Variants in IKZF4 observed in about 807,000 individuals in gnomAD.
IKZF4 encodes zinc finger protein Eos.
Under a neutral mutation model 47.7 loss-of-function variants are expected in IKZF4, and 11 were observed. The observed-to-expected ratio is 0.23, with a 90% CI of 0.15 to 0.38. The LOEUF (loss-of-function observed/expected upper bound fraction) is 0.38, where lower values mean the gene tolerates loss of function less well. Among genes scored for constraint, IKZF4 ranks in the 10% least tolerant of loss-of-function variants. The probability of loss-of-function intolerance (pLI) is 1.00; values close to 1 mark genes in which losing one functional copy is unlikely to be tolerated. For missense variants in IKZF4, 557 were observed against 784.9 expected, an observed-to-expected ratio of 0.71 and a Z score of 3.47; for synonymous variants, 298 against 299.4, an observed-to-expected ratio of 1.00 and a Z score of 0.05.
At chr12:56,011,460 A>AT in exon 2 of IKZF4, 1 of 152,300 alleles carries the variant, frequency 6.6e-6, no homozygotes, top group East Asian at 1.9e-4. Context: ...AAGAGAAAAG[A>AT]TGCATCCATC....
At chr12:56,033,514 C>A (rs566200410) in intron 7 of IKZF4, among the ~76,000 whole-genome samples, 193 bp downstream of exon 7, 1 of 152,040 alleles carries the variant, frequency 6.6e-6, no homozygotes, top group Non-Finnish European at 1.5e-5. Flanking sequence ...AAGACCATCC[C>A]GGTTAACACA....
chr12:56,020,033 C>T (rs564727594), upstream of IKZF4, among the ~76,000 whole-genome samples: 5 of 152,380 alleles, frequency 3.3e-5, no homozygotes, highest in African/African-American at 9.6e-5. Context: ...TAGCTGCGCT[C>T]ATCACTGACC....
At chr12:56,017,873 A>G (rs965802134), upstream of IKZF4, among the ~76,000 whole-genome samples, 15 of 152,150 alleles carry the variant, frequency 9.9e-5, no homozygotes, top group African/African-American at 3.6e-4. Flanking sequence ...TATTTTGTAG[A>G]GATGGGATCT....
chr12:56,019,414 A>T, upstream of IKZF4: 1 of 978,854 alleles, frequency 1.0e-6, no homozygotes, highest in Non-Finnish European at 1.2e-6. Context: ...GGGTAATGTA[A>T]GGTAAGATGT....
Position 56,035,626 on chromosome 12 carries a change from A to G in IKZF4, c.*295A>G, listed in dbSNP as rs191380718. 1.3e-4 allele frequency: 35 copies of G among 278,304 alleles called. No individual in the cohort carries two copies. The highest frequency in any genetic ancestry group is 4.0e-4 in the African/African-American group (18 of 45,554). The allele number at this position is 278,304 out of a possible 1,614,324, so 17.2% of individuals were successfully genotyped here. A position where few individuals can be genotyped will look rare whatever the true frequency, so the allele number is the denominator to read the frequency against. ...TTTTTGCCTTTTTAAATTTTAACTT[A>G]TATCAGTCACTTGCCACTCCCCCAC... On this transcript the variant is annotated 3_prime_UTR_variant, in exon 8 of 8. Transcript: ENST00000547167. This position sits in a 1 kb window ranked among gnomAD's most constrained non-coding sequence, Gnocchi z 6.1.
chr12:56,018,947 G>A (rs531412574), upstream of IKZF4, among the ~76,000 whole-genome samples: 17 of 152,174 alleles, frequency 1.1e-4, no homozygotes, highest in African/African-American at 3.1e-4. Context: ...GGCCAGGCAC[G>A]TGGCTCACGC....
At position 56,036,166 on chromosome 12, in the gene IKZF4, G is replaced by A. The variant is rs1304904591; in HGVS notation, c.*835G>A. ...TCAACCTACCGGTCTATTAAGTGGT[G>A]GCTTTTCTCTCCTTGGAGTGCCCCA... On this transcript the variant is annotated 3_prime_UTR_variant, in exon 8 of 8. Transcript: ENST00000547167. 4 of 152,562 alleles carry A rather than the reference G, an allele frequency of 2.6e-5. No homozygotes were observed. Among genetic ancestry groups the A allele is most frequent in the Non-Finnish European group, 5.9e-5 (4 of 68,046 alleles). The allele number at this position is 152,562 out of a possible 1,614,324, so 9.5% of individuals were successfully genotyped here.
Position 56,026,875 on chromosome 12 carries a change from T to C in IKZF4, c.381T>C (p.Ile127=). ...ERLLEKDDSV[I]VEDSLSEPLG... is the part of the protein sequence containing the mutation. ...TCCTGGAAAAGGACGACAGCGTGAT[T>C]GTGGAAGATTCATTGTCTGAGCCCC... is the stretch of plus-strand genomic sequence containing the variant. Residue 127 remains isoleucine, a synonymous_variant, in exon 4 of 8, where the codon ATT becomes ATC. Coordinates refer to ENST00000547167, the MANE Select transcript of IKZF4 (RefSeq NM_022465.4). 1 of 1,613,150 alleles carries C rather than the reference T, an allele frequency of 6.2e-7. No homozygotes were observed. Among genetic ancestry groups the C allele is most frequent in the Non-Finnish European group, 8.5e-7 (1 of 1,179,620 alleles).
At chr12:56,021,713 T>C in intron 1 of IKZF4, 133 bp downstream of exon 1, 1 of 1,203,466 alleles carries the variant, frequency 8.3e-7, no homozygotes, top group East Asian at 2.6e-5. Context: ...TGTGTGTGTG[T>C]GTGTGTGTGT....
chr12:56,020,724 C>T (rs187770707), upstream of IKZF4, among the ~76,000 whole-genome samples: 2 of 152,216 alleles, frequency 1.3e-5, no homozygotes, highest in East Asian at 1.9e-4. Context: ...CCTTTTTGCC[C>T]GGGATCTGAA....
intron 1 of IKZF4, among the ~76,000 whole-genome samples, chr12:56,023,318 A>G (rs1181847934): frequency 6.6e-6 from 1 of 152,244 alleles, no homozygotes; most frequent in Admixed American, 6.5e-5. Flanking sequence ...TAAAGGGAAT[A>G]AGAAGATAAC....
intron 6 of IKZF4, 94 bp downstream of exon 6, chr12:56,032,804 T>G: frequency 2.2e-6 from 3 of 1,359,108 alleles, no homozygotes; most frequent in Non-Finnish European, 3.1e-6. Context: ...CACTGAGGGA[T>G]GAAGTCTGTG....
chr12:56,025,662 C>T (rs905140391), intron 3 of IKZF4, among the ~76,000 whole-genome samples: 5 of 152,116 alleles, frequency 3.3e-5, no homozygotes, highest in Non-Finnish European at 7.4e-5. Context: ...TTTACCCCTC[C>T]TGCCCTGCCT....
rs994649936 is a variant in IKZF4, at chr12:56,021,484, A to G, written c.-10A>G. 11 of 1,595,982 alleles carry G rather than the reference A, an allele frequency of 6.9e-6. No homozygotes were observed. The highest frequency in any genetic ancestry group is 1.7e-5 in the Admixed American group (1 of 57,584). ...CTGGGCTCACCCCTGCCTGCCACTG[A>G]GACGCAGACATGCATACACCACCCG... is the stretch of plus-strand genomic sequence containing the variant. On this transcript the variant is annotated 5_prime_UTR_variant, in exon 1 of 8. Transcript: ENST00000547167.
At chr12:56,030,691 T>G (rs1461187245) in intron 5 of IKZF4, among the ~76,000 whole-genome samples, 1 of 150,946 alleles carries the variant, frequency 6.6e-6, no homozygotes, top group Non-Finnish European at 1.5e-5. Context: ...ATCGCGCCAT[T>G]GCACTCCAGC....
chr12:56,024,879 A>C, intron 2 of IKZF4, 175 bp from the exon 3 acceptor site: 1 of 1,489,904 alleles, frequency 6.7e-7, no homozygotes, highest in Non-Finnish European at 8.9e-7. Flanking sequence ...AGGCAGCACC[A>C]GGCATCCAGA....
At position 56,013,184 on chromosome 12, in the gene IKZF4, G is replaced by A. The variant is rs1039900763; in HGVS notation, c.-214+1690G>A. Among the ~76,000 whole-genome samples the A allele has an allele frequency of 2.0e-5, 3 of 152,130 alleles. No individual in the cohort carries two copies. In the South Asian group the frequency reaches 6.2e-4, roughly 32 times the overall value. The stretch of plus-strand genomic sequence containing the variant: ...ATGTGCCTACCCGCCATCACTGAGT[G>A]ACGGTTATGTTGCTTTATTTATTTA... On this transcript the variant is annotated intron_variant, in intron 2 of 11. Transcript: ENST00000262032.
At chr12:56,025,001 C>A (rs1893712906) in intron 2 of IKZF4, 53 bp from the exon 3 acceptor site, 1 of 1,552,510 alleles carries the variant, frequency 6.4e-7, no homozygotes, top group East Asian at 2.4e-5. Context: ...AGGCAATGGA[C>A]AGTAGATATC....
rs1477342970 is a variant in IKZF4 at position 56,036,245 on chromosome 12, A to C, written c.*914A>C. 6.6e-6 allele frequency: 1 copy of C among 152,534 alleles called. No homozygotes were observed. The highest frequency in any genetic ancestry group is 1.9e-4 in the East Asian group (1 of 5,188). 9.4% of individuals were successfully genotyped at this position (152,534 alleles called of 1,614,324 possible). ...GTCTGCAACCCTCTGTCTCTGACAGATTGGGAGCCACAGGTGCCTAATTGG... is the reference window on the plus strand; with the variant it reads ...GTCTGCAACCCTCTGTCTCTGACAGCTTGGGAGCCACAGGTGCCTAATTGG... On this transcript the variant is annotated 3_prime_UTR_variant, in exon 8 of 8. Transcript: ENST00000547167.
Sources: allele counts gnomAD v4.1 joint callset (sites outside exome capture counted in the v4.1 genomes callset), GRCh38; gene constraint gnomAD v4.1.1; non-coding constraint Gnocchi (gnomAD v3.1); transcripts MANE v1.5; gene names NCBI Gene and HGNC (gene_info 2026-07-23, HGNC 2026-07-21).